IL1RAPL2: variants seen among roughly 807,000 people sequenced by gnomAD.
The protein encoded by IL1RAPL2 is X-linked interleukin-1 receptor accessory protein-like 2.
IL1RAPL2 carries 3 observed loss-of-function variants against 44.1 expected under a neutral mutation model. That is an observed-to-expected ratio of 0.07 (90% CI 0.03 to 0.18). The LOEUF is 0.18. IL1RAPL2 is among the 10% of genes least tolerant of loss of function. The pLI, the probability that IL1RAPL2 is intolerant of heterozygous loss-of-function variation, is 1.00. For missense variants in IL1RAPL2, 391 were observed against 496.4 expected (o/e 0.79, Z 2.02); for synonymous variants, 181 against 178.8 (o/e 1.01, Z -0.10).
At chrX:104,854,570 G>GT (rs1922308754) in intron 2 of IL1RAPL2, among the ~76,000 whole-genome samples, 1 of 111,579 alleles carries the variant, frequency 9.0e-6, no homozygotes, top group African/African-American at 3.3e-5. Flanking sequence ...ACACTCTTCA[G>GT]TAGGAGTACA....
chrX:105,456,525 A>T (rs146438459), intron 5 of IL1RAPL2, among the ~76,000 whole-genome samples: 49 of 111,643 alleles, frequency 4.4e-4, no homozygotes, highest in African/African-American at 1.6e-3. Flanking sequence ...AGTTTTTAAC[A>T]TGAAGAGGTG....
intron 5 of IL1RAPL2, among the ~76,000 whole-genome samples, chrX:105,290,703 G>A (rs1402946357): frequency 9.0e-6 from 1 of 111,203 alleles, no homozygotes; most frequent in Non-Finnish European, 1.9e-5. Flanking sequence ...TGTGTTGGTA[G>A]TTATGCTAAA....
chrX:104,915,463 T>C (rs1924390652), intron 2 of IL1RAPL2, among the ~76,000 whole-genome samples: 1 of 111,832 alleles, frequency 8.9e-6, no homozygotes, highest in African/African-American at 3.3e-5. Context: ...ATTCTAGATA[T>C]TAGCCCTTTG....
chrX:105,700,189 C>A (rs1048828536), intron 6 of IL1RAPL2, among the ~76,000 whole-genome samples: 5 of 111,388 alleles, frequency 4.5e-5, no homozygotes, highest in Non-Finnish European at 9.4e-5. Flanking sequence ...GTCACTTTTT[C>A]TGCATTACTT....
intron 4 of IL1RAPL2, among the ~76,000 whole-genome samples, chrX:105,265,783 C>T (rs1255727839): frequency 2.7e-5 from 3 of 110,553 alleles, no homozygotes; most frequent in Admixed American, 9.7e-5. Context: ...AGATCACTTA[C>T]ACACACACAC....
chrX:105,036,692 A>T (rs369885917), intron 2 of IL1RAPL2, among the ~76,000 whole-genome samples: 1 of 112,213 alleles, frequency 8.9e-6, no homozygotes, highest in East Asian at 2.8e-4. Flanking sequence ...CTTGGTGTCA[A>T]TAACCCACAT....
chrX:105,366,105 G>A (rs1320509588), intron 5 of IL1RAPL2, among the ~76,000 whole-genome samples: 3 of 110,693 alleles, frequency 2.7e-5, no homozygotes, highest in Admixed American at 9.7e-5. Context: ...CTGCCATCAC[G>A]CCTGGCTAAT....
At chrX:104,677,052 A>G (rs769129273) in intron 2 of IL1RAPL2, among the ~76,000 whole-genome samples, 390 of 111,262 alleles carry the variant, frequency 3.5e-3, no homozygotes, top group African/African-American at 0.012. Flanking sequence ...ATGTCCTCCC[A>G]TAGCTCGGAG....
intron 2 of IL1RAPL2, among the ~76,000 whole-genome samples, chrX:104,907,398 G>A (rs1286867355): frequency 9.1e-6 from 1 of 110,289 alleles, no homozygotes; most frequent in Non-Finnish European, 1.9e-5. Flanking sequence ...TGATGTTAGG[G>A]TGTCAATTTT....
intron 7 of IL1RAPL2, among the ~76,000 whole-genome samples, chrX:105,737,188 T>G (rs1431912529): frequency 9.1e-6 from 1 of 110,457 alleles, no homozygotes; most frequent in Non-Finnish European, 1.9e-5. Context: ...TTGAGTACAT[T>G]TGAACACAAA....
Position 105,447,729 on chromosome X carries a change from ATG to A in IL1RAPL2, c.698-36582_698-36581del, listed in dbSNP as rs1334402527. ...ATATATTAAAAATATAAATATATAA[ATG>A]TATATAAATATGTTATACATATAAA... On this transcript the variant is annotated intron_variant, in intron 5 of 10. Coordinates refer to ENST00000372582, the MANE Select transcript of IL1RAPL2 (RefSeq NM_017416.2). Among the ~76,000 whole-genome samples, 3 of 85,473 alleles carry A rather than the reference ATG, an allele frequency of 3.5e-5. No homozygotes were observed. In the East Asian group the frequency reaches 1.1e-3, roughly 31 times the overall value. The allele number at this position is 85,473 out of a possible 115,157, so 74.2% of individuals were successfully genotyped here. A position where few individuals can be genotyped will look rare whatever the true frequency, so the allele number is the denominator to read the frequency against.
chrX:104,939,050 C>CTTTT (rs60881835), intron 2 of IL1RAPL2, among the ~76,000 whole-genome samples: 26 of 81,456 alleles, frequency 3.2e-4, no homozygotes, highest in African/African-American at 6.2e-4. Context: ...TGCATGCTAG[C>CTTTT]TTTTTTTTTT....
chrX:105,198,574 T>C (rs782778511), intron 3 of IL1RAPL2, among the ~76,000 whole-genome samples: 53 of 112,434 alleles, frequency 4.7e-4, no homozygotes, highest in Non-Finnish European at 8.1e-4. Context: ...GAACCAATAG[T>C]GGTACATTAT....
chrX:104,631,839 A>C (rs1343373611), intron 1 of IL1RAPL2, among the ~76,000 whole-genome samples: 1 of 109,731 alleles, frequency 9.1e-6, no homozygotes, highest in Non-Finnish European at 1.9e-5. Context: ...GAAGCTCTTT[A>C]GTTTAATTAG....
At chrX:105,126,186 A>T (rs2032973470) in intron 2 of IL1RAPL2, among the ~76,000 whole-genome samples, 2 of 111,081 alleles carry the variant, frequency 1.8e-5, no homozygotes, top group Admixed American at 1.9e-4. Flanking sequence ...TACAGAATCA[A>T]TGTACTTTCT....
At chrX:104,862,871 G>A (rs1330729841) in intron 2 of IL1RAPL2, among the ~76,000 whole-genome samples, 2 of 111,610 alleles carry the variant, frequency 1.8e-5, no homozygotes, top group Non-Finnish European at 3.8e-5. Flanking sequence ...GAAGAGACAA[G>A]TTCAGATGTA....
chrX:105,576,460 G>A (rs1375554923), intron 6 of IL1RAPL2, among the ~76,000 whole-genome samples: 1 of 111,135 alleles, frequency 9.0e-6, no homozygotes, highest in Non-Finnish European at 1.9e-5. Flanking sequence ...AATGATCAGA[G>A]GGTTGTAGGT....
intron 2 of IL1RAPL2, among the ~76,000 whole-genome samples, chrX:105,069,852 T>C (rs1384269967): frequency 8.9e-6 from 1 of 112,193 alleles, no homozygotes; most frequent in Non-Finnish European, 1.9e-5. Context: ...CGAAGATCCA[T>C]TGAATAATTC....
chrX:105,139,947 AAC>A (rs757882158), intron 2 of IL1RAPL2, among the ~76,000 whole-genome samples: 5 of 112,148 alleles, frequency 4.5e-5, no homozygotes, highest in Admixed American at 9.4e-5. Context: ...GATGTCATCT[AAC>A]ACAGTGGGAG....
Sources: gnomAD v4.1 joint callset for allele counts (sites outside exome capture counted in the v4.1 genomes callset) on GRCh38, gnomAD v4.1.1 for gene constraint, MANE v1.5 for transcripts, NCBI Gene and HGNC (gene_info 2026-07-23, HGNC 2026-07-21) for gene names.